Variants in TTC27 observed in about 807,000 individuals in gnomAD.
TTC27 encodes tetratricopeptide repeat protein 27.
TTC27 carries 79 observed loss-of-function variants against 115.9 expected under a neutral mutation model. The observed-to-expected ratio is 0.68, with a 90% CI of 0.57 to 0.82. TTC27 has a LOEUF of 0.82. Among genes scored for constraint, TTC27 ranks in the 40% least tolerant of loss-of-function variants. The pLI, the probability that TTC27 is intolerant of heterozygous loss-of-function variation, is 0.00. For synonymous variants in TTC27, 401 were observed against 356.0 expected, an observed-to-expected ratio of 1.13 and a Z score of -1.42; for missense variants, 1,054 against 993.1, an observed-to-expected ratio of 1.06 and a Z score of -0.82.
chr2:32,799,215 G>A (rs530351981), intron 16 of TTC27, among the ~76,000 whole-genome samples: 2 of 149,572 alleles, frequency 1.3e-5, no homozygotes, highest in South Asian at 2.1e-4. Flanking sequence ...TAGAATGGTC[G>A]TTGGGGCTGA....
chr2:32,816,163 A>T (rs1298616367), intron 18 of TTC27, among the ~76,000 whole-genome samples: 2 of 152,076 alleles, frequency 1.3e-5, no homozygotes, highest in Non-Finnish European at 2.9e-5. Flanking sequence ...TAAAAAATTA[A>T]AACATTAGCT....
intron 12 of TTC27, among the ~76,000 whole-genome samples, chr2:32,742,725 G>T (rs548498568): frequency 6.6e-6 from 1 of 152,288 alleles, no homozygotes; most frequent in Admixed American, 6.5e-5. Flanking sequence ...TCATCTTTAT[G>T]TACTGTATTG....
intron 14 of TTC27, among the ~76,000 whole-genome samples, chr2:32,780,533 A>G (rs1291102795): frequency 6.6e-6 from 1 of 152,100 alleles, no homozygotes; most frequent in African/African-American, 2.4e-5. Context: ...TCCGCCTCCC[A>G]GGTTCAAGCA....
At chr2:32,689,405 T>C (rs1052407450) in intron 9 of TTC27, among the ~76,000 whole-genome samples, 4 of 152,170 alleles carry the variant, frequency 2.6e-5, no homozygotes, top group South Asian at 2.1e-4. Context: ...GGTTTCAATA[T>C]TGATTATTCT....
chr2:32,772,870 C>T (rs575945618), intron 13 of TTC27, among the ~76,000 whole-genome samples: 2 of 152,224 alleles, frequency 1.3e-5, no homozygotes, highest in South Asian at 4.2e-4. Flanking sequence ...ATCTGGAGAA[C>T]TCAGGAATTT....
chr2:32,645,245 G>A (rs1457199203), intron 4 of TTC27, among the ~76,000 whole-genome samples: 1 of 152,122 alleles, frequency 6.6e-6, no homozygotes, highest in Non-Finnish European at 1.5e-5. Flanking sequence ...TATGTAAGTG[G>A]TTGAGTAAAA....
chr2:32,777,302 A>G (rs1285768839), intron 13 of TTC27, among the ~76,000 whole-genome samples: 3 of 152,236 alleles, frequency 2.0e-5, no homozygotes, highest in African/African-American at 7.2e-5. Context: ...CTCAGAATGC[A>G]TGGGGGATTG....
chr2:32,760,240 G>A (rs1404100059), intron 13 of TTC27, among the ~76,000 whole-genome samples: 1 of 152,214 alleles, frequency 6.6e-6, no homozygotes, highest in East Asian at 1.9e-4. Flanking sequence ...AGTAGGACAG[G>A]TGTAAGTACA....
chr2:32,736,593 T>C, intron 11 of TTC27, 101 bp from the exon 12 acceptor site: 1 of 1,266,916 alleles, frequency 7.9e-7, no homozygotes, highest in Admixed American at 2.1e-5. Flanking sequence ...TTTATTACAA[T>C]AAGCAGACCC....
intron 12 of TTC27, among the ~76,000 whole-genome samples, chr2:32,757,004 T>G (rs1669256764): frequency 1.3e-5 from 2 of 152,156 alleles, no homozygotes; most frequent in Admixed American, 1.3e-4. Context: ...GTCTGTGCAA[T>G]GTATTGAGGA....
chr2:32,630,449 A>G, intron 1 of TTC27, 74 bp from the exon 2 acceptor site: 1 of 1,189,096 alleles, frequency 8.4e-7, no homozygotes, highest in Non-Finnish European at 1.2e-6. Flanking sequence ...TGGTAGATTT[A>G]CCTAATAGTG....
chr2:32,763,433 G>A (rs1014362780), intron 13 of TTC27, among the ~76,000 whole-genome samples: 7 of 152,130 alleles, frequency 4.6e-5, no homozygotes, highest in African/African-American at 7.2e-5. Flanking sequence ...CAAAATTTAG[G>A]CAAACCAAAG....
chr2:32,754,941 C>T (rs1161000849), intron 12 of TTC27, among the ~76,000 whole-genome samples: 8 of 150,682 alleles, frequency 5.3e-5, no homozygotes, highest in Admixed American at 1.3e-4. Context: ...ACTTCCCAGA[C>T]GGGGCGGCTG....
intron 10 of TTC27, among the ~76,000 whole-genome samples, chr2:32,729,675 T>G (rs34692996): frequency 0.033 from 5,053 of 152,184 alleles, 197 homozygotes; most frequent in African/African-American, 0.094. Context: ...CCCCTACTTC[T>G]GGACCGCGCC....
intron 9 of TTC27, among the ~76,000 whole-genome samples, chr2:32,694,674 CTTTTTT>C (rs200028307): frequency 7.4e-6 from 1 of 135,552 alleles, no homozygotes; most frequent in Non-Finnish European, 1.6e-5. Context: ...ATTCCTATTT[CTTTTTT>C]TTTTTTTTTT....
intron 10 of TTC27, among the ~76,000 whole-genome samples, chr2:32,722,209 G>A (rs1028950545): frequency 1.3e-5 from 2 of 152,102 alleles, no homozygotes; most frequent in South Asian, 2.1e-4. Context: ...TAGTGTGCTG[G>A]GTCATGCCAT....
chr2:32,658,168 G>A (rs1365248090), intron 5 of TTC27, among the ~76,000 whole-genome samples: 1 of 152,154 alleles, frequency 6.6e-6, no homozygotes, highest in Admixed American at 6.5e-5. Flanking sequence ...TGTTGCTTAG[G>A]CTGGAGTGCA....
At chr2:32,698,364 T>A (rs1211651720) in intron 9 of TTC27, among the ~76,000 whole-genome samples, 2 of 151,960 alleles carry the variant, frequency 1.3e-5, no homozygotes, top group Non-Finnish European at 1.5e-5. Flanking sequence ...ACTCCTGGTC[T>A]CAAGTGATTC....
intron 10 of TTC27, among the ~76,000 whole-genome samples, chr2:32,721,568 A>T (rs549713557): frequency 2.7e-4 from 41 of 151,344 alleles, no homozygotes; most frequent in Admixed American, 5.9e-4. Context: ...TATGGCCAAG[A>T]TTGTTAAGCT....
Sources: allele counts gnomAD v4.1 joint callset (sites outside exome capture counted in the v4.1 genomes callset), GRCh38; gene constraint gnomAD v4.1.1; transcripts MANE v1.5; gene names NCBI Gene and HGNC (gene_info 2026-07-23, HGNC 2026-07-21).